THSD7A: variants seen among roughly 807,000 people sequenced by gnomAD.
The protein encoded by THSD7A is thrombospondin type 1 domain containing 7A, also known as thrombospondin type-1 domain-containing protein 7A.
In THSD7A, 96 loss-of-function variants were observed where a neutral mutation model predicts 231.3. The observed-to-expected ratio is 0.41, with a 90% CI of 0.35 to 0.49. THSD7A has a LOEUF of 0.49. Among genes scored for constraint, THSD7A ranks in the 20% least tolerant of loss-of-function variants. The pLI, the probability that THSD7A is intolerant of heterozygous loss-of-function variation, is 0.05. For synonymous variants in THSD7A, 940 were observed against 743.3 expected (o/e 1.26, Z -4.30); for missense variants, 2,290 against 2,070.2 (o/e 1.11, Z -2.06).
chr7:11,487,906 T>G (rs1299588275), intron 6 of THSD7A, among the ~76,000 whole-genome samples: 1 of 151,974 alleles, frequency 6.6e-6, no homozygotes, highest in Non-Finnish European at 1.5e-5. Flanking sequence ...CTGCCTATTC[T>G]CTAAACGCCT....
intron 2 of THSD7A, among the ~76,000 whole-genome samples, chr7:11,613,420 G>C (rs147788294): frequency 7.9e-5 from 12 of 152,244 alleles, no homozygotes; most frequent in Middle Eastern, 3.4e-3. Flanking sequence ...CTCTGAACCT[G>C]GCTGTTACGG....
At chr7:11,820,361 C>T in intron 1 of THSD7A, 1 of 1,161,658 alleles carries the variant, frequency 8.6e-7, no homozygotes. Flanking sequence ...TCTCTGTTCT[C>T]TGTCCCACTC....
chr7:11,820,532 C>A (rs886658666), intron 1 of THSD7A: 28 of 754,544 alleles, frequency 3.7e-5, no homozygotes, highest in Non-Finnish European at 5.9e-5. Context: ...ACTCCTCTTA[C>A]CGGTTTCTTT....
At chr7:11,586,708 T>C (rs1049598456) in intron 4 of THSD7A, among the ~76,000 whole-genome samples, 2 of 152,210 alleles carry the variant, frequency 1.3e-5, no homozygotes, top group Admixed American at 6.5e-5. Flanking sequence ...ACTTTCCATT[T>C]AGCAATGGTG....
intron 1 of THSD7A, among the ~76,000 whole-genome samples, chr7:11,745,299 T>C (rs111363482): frequency 0.026 from 3,979 of 152,088 alleles, 198 homozygotes; most frequent in African/African-American, 0.092. Context: ...TGTTTGTTTT[T>C]TTCTTGTAAA....
intron 6 of THSD7A, among the ~76,000 whole-genome samples, chr7:11,500,869 A>G (rs1180074806): frequency 1.3e-5 from 2 of 151,694 alleles, no homozygotes; most frequent in African/African-American, 4.8e-5. Context: ...TGGGAGGCAA[A>G]GTTGCACTGA....
chr7:11,386,602 G>A (rs1471691604), intron 23 of THSD7A, among the ~76,000 whole-genome samples: 1 of 152,074 alleles, frequency 6.6e-6, no homozygotes, highest in Non-Finnish European at 1.5e-5. Context: ...TGTAGATTCT[G>A]GATATTAGCC....
chr7:11,583,326 G>A (rs1324563847), intron 4 of THSD7A, among the ~76,000 whole-genome samples: 1 of 151,958 alleles, frequency 6.6e-6, no homozygotes, highest in East Asian at 1.9e-4. Flanking sequence ...ACCGAGGCTG[G>A]AGTGCAGTGG....
rs763657114 is a variant in THSD7A at position 11,831,744 on chromosome 7, C to G, written c.190+13G>C. 1.9e-5 allele frequency: 27 copies of G among 1,443,562 alleles called. No individual in the cohort carries two copies. The South Asian group carries it at 3.7e-4, about 20-fold the overall frequency. The allele number at this position is 1,443,562 out of a possible 1,614,324, so 89.4% of individuals were successfully genotyped here. ...ATGTGAAGATGGGGAAAGGGTAACTCCGTCCCACTTACCAGTCTTCCACAG... is the reference window on the plus strand; with the variant it reads ...ATGTGAAGATGGGGAAAGGGTAACTGCGTCCCACTTACCAGTCTTCCACAG... On this transcript the variant is annotated intron_variant, in intron 1 of 27. Coordinates refer to ENST00000423059, the MANE Select transcript of THSD7A (RefSeq NM_015204.3). This position sits in a 1 kb window ranked among gnomAD's most constrained non-coding sequence, Gnocchi z 5.0.
chr7:11,412,931 A>C, intron 17 of THSD7A, 131 bp from the exon 18 acceptor site: 2 of 908,882 alleles, frequency 2.2e-6, no homozygotes, highest in South Asian at 1.7e-5. Context: ...AGTCAACCTC[A>C]TTATGCCTCA....
chr7:11,543,788 G>A (rs1789252765), intron 4 of THSD7A, among the ~76,000 whole-genome samples: 1 of 151,836 alleles, frequency 6.6e-6, no homozygotes, highest in East Asian at 1.9e-4. Flanking sequence ...AATAAACTGT[G>A]GATAAATGTT....
At chr7:11,421,327 T>C (rs935431661) in intron 16 of THSD7A, among the ~76,000 whole-genome samples, 19 of 152,218 alleles carry the variant, frequency 1.2e-4, no homozygotes, top group Middle Eastern at 3.4e-3. Context: ...TTGTAAAGTG[T>C]GTGGCACTTC....
chr7:11,701,844 A>G (rs1219651527), intron 1 of THSD7A, among the ~76,000 whole-genome samples: 4 of 151,230 alleles, frequency 2.6e-5, no homozygotes, highest in South Asian at 2.1e-4. Context: ...AAAATGGGCT[A>G]TCACAAAATC....
At chr7:11,407,864 G>T (rs1191636844) in intron 19 of THSD7A, among the ~76,000 whole-genome samples, 2 of 151,966 alleles carry the variant, frequency 1.3e-5, no homozygotes, top group African/African-American at 4.8e-5. Flanking sequence ...AAAGGAAAAG[G>T]TTCTAAACAT....
Position 11,371,855 on chromosome 7 carries a change from G to A in THSD7A, c.*3939C>T, listed in dbSNP as rs1415060047. On this transcript the variant is annotated 3_prime_UTR_variant, in exon 28 of 28. Transcript: ENST00000423059. ...CAGGATGTTCACACTCTGAGTGAGT[G>A]ACACTTTGATTCTAATAGGGAAGGA... The A allele has an allele frequency of 1.3e-5, 2 of 150,506 alleles. No individual in the cohort carries two copies. The highest frequency in any genetic ancestry group is 4.9e-5 in the African/African-American group (2 of 40,774). 9.3% of individuals were successfully genotyped at this position (150,506 alleles called of 1,614,324 possible).
intron 1 of THSD7A, among the ~76,000 whole-genome samples, chr7:11,774,962 C>T (rs939249179): frequency 1.3e-5 from 2 of 151,806 alleles, no homozygotes; most frequent in African/African-American, 4.8e-5. Context: ...GGCTGAGGCA[C>T]GATAATCTCT....
At chr7:11,818,488 C>T (rs1373882237) in intron 1 of THSD7A, among the ~76,000 whole-genome samples, 2 of 152,172 alleles carry the variant, frequency 1.3e-5, no homozygotes, top group African/African-American at 4.8e-5. Context: ...GTCATGGGAG[C>T]AACCTAAGTA....
At chr7:11,619,402 CTTT>C (rs10706554) in intron 2 of THSD7A, among the ~76,000 whole-genome samples, 25 of 127,708 alleles carry the variant, frequency 2.0e-4, no homozygotes, top group Admixed American at 1.6e-4. Context: ...TCTTACTGTA[CTTT>C]TTTTTTTTTT....
intron 6 of THSD7A, among the ~76,000 whole-genome samples, chr7:11,540,899 T>C (rs1789118095): frequency 6.6e-6 from 1 of 152,136 alleles, no homozygotes; most frequent in Non-Finnish European, 1.5e-5. Context: ...GAGCAAAAGG[T>C]CGGTTCAGGA....
Sources: gnomAD v4.1 joint callset for allele counts (sites outside exome capture counted in the v4.1 genomes callset) on GRCh38, gnomAD v4.1.1 for gene constraint, Gnocchi (gnomAD v3.1) non-coding constraint, MANE v1.5 for transcripts, NCBI Gene and HGNC (gene_info 2026-07-23, HGNC 2026-07-21) for gene names.